DNAH11: variants seen among roughly 807,000 people sequenced by gnomAD.
The protein encoded by DNAH11 is dynein axonemal heavy chain 11, also known as axonemal beta dynein heavy chain 11.
Under a neutral mutation model 526.0 loss-of-function variants are expected in DNAH11, and 442 were observed. The ratio of observed to expected loss-of-function variants is 0.84; its 90% CI spans 0.78 to 0.91. The LOEUF (loss-of-function observed/expected upper bound fraction) is 0.91. Ranked by LOEUF, DNAH11 falls within the 40% of genes least tolerant of loss-of-function variation. The pLI is 0.00. For missense variants in DNAH11, 6,989 were observed against 5,448.7 expected, an observed-to-expected ratio of 1.28 and a Z score of -8.90; for synonymous variants, 2,461 against 1,935.9, an observed-to-expected ratio of 1.27 and a Z score of -7.12.
In DNAH11 at chr7:21,545,296, AGC is replaced by A. The variant is rs796916267; in HGVS notation, c.495+148_495+149del. 1.7e-4 allele frequency: 117 copies of A among 692,832 alleles called. No homozygotes were observed. The African/African-American group carries it at 2.0e-3, about 12-fold the overall frequency. 42.9% of individuals were successfully genotyped at this position (692,832 alleles called of 1,614,324 possible). A position where few individuals can be genotyped will look rare whatever the true frequency, so the allele number is the denominator to read the frequency against. ...GGTTAAAAAAAAAAAAAAAAAAAAA[AGC>A]TTGTAGAAGCCAGGAGTCTCTAGCC... On this transcript the variant is annotated intron_variant, in intron 2 of 81. Coordinates refer to ENST00000409508, the MANE Select transcript of DNAH11 (RefSeq NM_001277115.2).
intron 55 of DNAH11, among the ~76,000 whole-genome samples, chr7:21,767,487 CGTGTT>C (rs967336354): frequency 6.6e-6 from 1 of 152,120 alleles, no homozygotes; most frequent in African/African-American, 2.4e-5. Flanking sequence ...GGACTTGCAT[CGTGTT>C]AAGTCCAGAG....
intron 2 of DNAH11, among the ~76,000 whole-genome samples, chr7:21,555,028 A>T (rs1324975806): frequency 6.6e-6 from 1 of 152,158 alleles, no homozygotes; most frequent in Non-Finnish European, 1.5e-5. Context: ...GGTATGGATG[A>T]TAGGGGGTCC....
chr7:21,710,776 T>C, intron 41 of DNAH11, 73 bp downstream of exon 41: 1 of 1,431,052 alleles, frequency 7.0e-7, no homozygotes. Flanking sequence ...CACTTGTCGA[T>C]GTTAATACTA....
chr7:21,684,140 G>A (rs941283039), intron 32 of DNAH11, among the ~76,000 whole-genome samples, 196 bp downstream of exon 32: 3 of 152,178 alleles, frequency 2.0e-5, no homozygotes, highest in Non-Finnish European at 4.4e-5. Context: ...GGATTAATAT[G>A]GCTCAAGGAA....
intron 61 of DNAH11, among the ~76,000 whole-genome samples, chr7:21,794,863 C>G (rs1788641289): frequency 1.3e-5 from 2 of 152,166 alleles, no homozygotes; most frequent in African/African-American, 2.4e-5. Context: ...ACCTCAGTCT[C>G]ACTTTCTCCA....
chr7:21,553,223 T>C (rs1783091688), intron 2 of DNAH11, among the ~76,000 whole-genome samples: 1 of 152,002 alleles, frequency 6.6e-6, no homozygotes, highest in Non-Finnish European at 1.5e-5. Context: ...GGAGGCCCAT[T>C]ATTACTTTTA....
At chr7:21,627,827 T>G (rs1786414741) in intron 25 of DNAH11, among the ~76,000 whole-genome samples, 1 of 152,206 alleles carries the variant, frequency 6.6e-6, no homozygotes, top group African/African-American at 2.4e-5. Flanking sequence ...TCATTGGTAT[T>G]TTGATAGAGA....
intron 61 of DNAH11, among the ~76,000 whole-genome samples, chr7:21,798,904 TTATTAA>T (rs1788837860): frequency 6.6e-6 from 1 of 152,116 alleles, no homozygotes; most frequent in Non-Finnish European, 1.5e-5. Context: ...CATGGTGAGC[TTATTAA>T]TATTAAATAA....
chr7:21,724,047 C>T (rs1159620442), intron 44 of DNAH11, among the ~76,000 whole-genome samples: 1 of 152,162 alleles, frequency 6.6e-6, no homozygotes, highest in Non-Finnish European at 1.5e-5. Context: ...TTCTTTTCTA[C>T]TTTAGAACAG....
At chr7:21,548,030 T>C (rs1195781756) in intron 2 of DNAH11, among the ~76,000 whole-genome samples, 1 of 152,174 alleles carries the variant, frequency 6.6e-6, no homozygotes, top group Non-Finnish European at 1.5e-5. Context: ...CTGCCACAAT[T>C]ATGAGAGATG....
intron 76 of DNAH11, among the ~76,000 whole-genome samples, chr7:21,889,720 T>C (rs187362072): frequency 0.01 from 1,531 of 152,332 alleles, 12 homozygotes; most frequent in Non-Finnish European, 0.016. Context: ...CTATTTAGAA[T>C]TTTTTATTCT....
intron 28 of DNAH11, among the ~76,000 whole-genome samples, chr7:21,653,968 T>A (rs1238533837): frequency 6.6e-6 from 1 of 152,244 alleles, no homozygotes; most frequent in Non-Finnish European, 1.5e-5. Context: ...ATACTTCTCA[T>A]GTCCAGTTAA....
At chr7:21,651,606 C>G (rs1781775123) in intron 28 of DNAH11, among the ~76,000 whole-genome samples, 1 of 152,130 alleles carries the variant, frequency 6.6e-6, no homozygotes, top group Non-Finnish European at 1.5e-5. Flanking sequence ...ATAAAATTAG[C>G]TAGTGATTAG....
rs753221223 is a variant in DNAH11 at position 21,748,696 on chromosome 7, T to G, written c.8627T>G (p.Val2876Gly). The change falls in exon 52 of 82, where the codon GTC (valine) becomes GGC (glycine). Residue 2876 changes from valine (V) to glycine (G), a missense_variant. Physicochemically the swap from Val to Gly is moderately radical, Grantham distance 109. Transcript: ENST00000409508. ...GCAGCTTACCTTCGTGGCCTTGAGG[T>G]CTTTCAGATCACTCTGACCGAGGGC... is the stretch of plus-strand genomic sequence containing the variant. The part of the protein sequence containing the change: ...RLAAYLRGLE[V>G]FQITLTEGYG... 1 of 1,613,264 alleles carries G rather than the reference T, an allele frequency of 6.2e-7. No individual in the cohort carries two copies. Among genetic ancestry groups the G allele is most frequent in the African/African-American group, 1.3e-5 (1 of 74,818 alleles).
At chr7:21,882,246 A>G (rs754496405) in intron 75 of DNAH11, among the ~76,000 whole-genome samples, 1 of 152,152 alleles carries the variant, frequency 6.6e-6, no homozygotes, top group Non-Finnish European at 1.5e-5. Flanking sequence ...GAGTCTTGGA[A>G]ACACCAGTTG....
At chr7:21,748,210 G>A (rs1235035043) in intron 51 of DNAH11, among the ~76,000 whole-genome samples, 13 of 152,260 alleles carry the variant, frequency 8.5e-5, no homozygotes, top group African/African-American at 2.6e-4. Flanking sequence ...CAGGCCAGGC[G>A]CAGTTGCTCA....
At chr7:21,702,345 C>A (rs1229923433) in intron 36 of DNAH11, among the ~76,000 whole-genome samples, 13 of 152,070 alleles carry the variant, frequency 8.5e-5, no homozygotes, top group Admixed American at 8.5e-4. Flanking sequence ...GAAACCAGCA[C>A]AGGTGGAGAA....
At position 21,658,999 on chromosome 7, in the gene DNAH11, G is replaced by T; in HGVS notation, c.5296G>T (p.Glu1766Ter). 1 of 1,606,620 alleles carries T rather than the reference G, an allele frequency of 6.2e-7. No homozygotes were observed. Among genetic ancestry groups the T allele is most frequent in the Non-Finnish European group, 8.5e-7 (1 of 1,176,572 alleles). Residue 1766 changes from glutamate (E) to a stop codon, truncating the protein, a stop_gained, in exon 30 of 82, where the codon GAA becomes TAA. Transcript: ENST00000409508. LOFTEE classifies it high-confidence loss of function. ...CTTCAGTAGACTGGAAGAAGGCTAC[G>T]AAACAGCCCTGAAGGATTTCCATAA... Reference protein sequence around the residue: ...IAFSRLEEGYETALKDFHKKQ... With the variant: ...IAFSRLEEGY
chr7:21,821,043 A>C (rs1583735386), intron 65 of DNAH11, among the ~76,000 whole-genome samples: 1 of 152,322 alleles, frequency 6.6e-6, no homozygotes, highest in South Asian at 2.1e-4. Flanking sequence ...GGGACAAATC[A>C]GTGTGATATC....
Sources: allele counts gnomAD v4.1 joint callset (sites outside exome capture counted in the v4.1 genomes callset), GRCh38; gene constraint gnomAD v4.1.1; transcripts MANE v1.5; gene names NCBI Gene and HGNC (gene_info 2026-07-23, HGNC 2026-07-21).